HADHA: variants seen among roughly 807,000 people sequenced by gnomAD.
The protein encoded by HADHA is trifunctional enzyme subunit alpha, mitochondrial.
In HADHA, 59 loss-of-function variants were observed where a neutral mutation model predicts 91.3. That is an observed-to-expected ratio of 0.65 (90% CI 0.52 to 0.80). The LOEUF is 0.80. Among genes scored for constraint, HADHA ranks in the 30% least tolerant of loss-of-function variants. The probability of loss-of-function intolerance (pLI) is 0.00; values close to 1 mark genes in which losing one functional copy is unlikely to be tolerated. For synonymous variants in HADHA, 320 were observed against 338.9 expected (o/e 0.94, Z 0.61); for missense variants, 800 against 927.6 (o/e 0.86, Z 1.79).
Position 26,234,298 on chromosome 2 carries a change from C to T in HADHA, c.372G>A (p.Gln124=). 1 of 1,613,488 alleles carries T rather than the reference C, an allele frequency of 6.2e-7. No individual in the cohort carries two copies. The highest frequency in any genetic ancestry group is 8.5e-7 in the Non-Finnish European group (1 of 1,179,370). The change falls in exon 5 of 20, where the codon CAG becomes CAA. Residue 124 remains glutamine, a synonymous_variant. Coordinates refer to ENST00000380649, the MANE Select transcript of HADHA (RefSeq NM_000182.5). ...QEVTQLSQEA[Q]RIVEKLEKST... ...ACTTTTCAAGTTTCTCAACTATTCT[C>T]TGTGCTTCTTGTGATAGCTGTGTTA...
intron 7 of HADHA, among the ~76,000 whole-genome samples, chr2:26,219,314 G>A (rs1347174854): frequency 6.6e-6 from 1 of 151,946 alleles, no homozygotes; most frequent in Non-Finnish European, 1.5e-5. Flanking sequence ...TTTTAGTAGA[G>A]ATGGGGTTTC....
chr2:26,237,917 G>C (rs1313515181), intron 3 of HADHA, among the ~76,000 whole-genome samples: 2 of 151,968 alleles, frequency 1.3e-5, no homozygotes, highest in East Asian at 3.8e-4. Context: ...CTCTAGTAAA[G>C]GGGAATGGCT....
chr2:26,237,851 A>C (rs1291200346), intron 3 of HADHA, among the ~76,000 whole-genome samples: 1 of 152,234 alleles, frequency 6.6e-6, no homozygotes, highest in East Asian at 1.9e-4. Flanking sequence ...CAACCTAAGA[A>C]AATTCTGAAA....
chr2:26,191,747 C>G, intron 18 of HADHA, 119 bp from the exon 19 acceptor site: 1 of 1,015,974 alleles, frequency 9.8e-7, no homozygotes, highest in Non-Finnish European at 1.6e-6. Context: ...CCGGTTGGTG[C>G]TGGCCCTCAG....
chr2:26,212,127 G>T, intron 10 of HADHA: 1 of 172,118 alleles, frequency 5.8e-6, no homozygotes, highest in Non-Finnish European at 1.2e-5. Context: ...TTGTCACCCA[G>T]GCTGGAATGC....
At position 26,191,265 on chromosome 2, in the gene HADHA, C is replaced by T. The variant is rs1430214161; in HGVS notation, c.2277G>A (p.Lys759=). ...TGAGGCCTGCTCACTGGTAGAACTT[C>T]TTGTTAGGGCTGTTAGCATGGTCAG... The part of the protein sequence containing the change: ...LLADHANSPN[K]KFYQ The change falls in exon 20 of 20, where the codon AAG becomes AAA. Residue 759 remains lysine, a synonymous_variant. Transcript: ENST00000380649. 1.2e-6 allele frequency: 2 copies of T among 1,612,568 alleles called. No individual in the cohort carries two copies. The highest frequency in any genetic ancestry group is 1.7e-6 in the Non-Finnish European group (2 of 1,180,012).
intron 7 of HADHA, among the ~76,000 whole-genome samples, chr2:26,225,116 G>A (rs1385524183): frequency 6.6e-6 from 1 of 152,024 alleles, no homozygotes; most frequent in Non-Finnish European, 1.5e-5. Context: ...AAGAAAACTA[G>A]GAGCCCAGGA....
rs1670312964 is a variant in HADHA, at chr2:26,219,269, C to T, written c.677-4094G>A. Reference sequence around the variant, plus strand: ...TCAGCCTCCCAAGTAGCTGGGATTACAGATGTGCCACCAGGCCAGGCTAAT... The same window carrying T: ...TCAGCCTCCCAAGTAGCTGGGATTATAGATGTGCCACCAGGCCAGGCTAAT... On this transcript the variant is annotated intron_variant, in intron 7 of 19. Coordinates refer to ENST00000380649, the MANE Select transcript of HADHA (RefSeq NM_000182.5). Among the ~76,000 whole-genome samples the T allele has an allele frequency of 2.0e-5, 3 of 151,826 alleles. No homozygotes were observed. In the South Asian group the frequency reaches 6.3e-4, roughly 32 times the overall value.
intron 9 of HADHA, among the ~76,000 whole-genome samples, chr2:26,213,003 T>C (rs2147768756): frequency 6.6e-6 from 1 of 152,288 alleles, no homozygotes; most frequent in East Asian, 1.9e-4. Context: ...CAAAATTCAA[T>C]GTAACATTTG....
intron 6 of HADHA, among the ~76,000 whole-genome samples, chr2:26,230,609 T>C (rs528853391): frequency 1.3e-5 from 2 of 152,232 alleles, no homozygotes; most frequent in Non-Finnish European, 2.9e-5. Context: ...GGGGTTTTTT[T>C]CTATCATATA....
At chr2:26,231,329 CCA>C (rs1670617012) in intron 6 of HADHA, among the ~76,000 whole-genome samples, 1 of 152,112 alleles carries the variant, frequency 6.6e-6, no homozygotes, top group Non-Finnish European at 1.5e-5. Flanking sequence ...ATCTACAGTG[CCA>C]GAAGCTATAA....
intron 11 of HADHA, among the ~76,000 whole-genome samples, chr2:26,205,552 G>A (rs1669950436): frequency 6.6e-6 from 1 of 152,212 alleles, no homozygotes; most frequent in Non-Finnish European, 1.5e-5. Flanking sequence ...GGGCACAGTG[G>A]CTTACGCCTG....
intron 11 of HADHA, among the ~76,000 whole-genome samples, chr2:26,205,355 A>C (rs1669945741): frequency 6.6e-6 from 1 of 152,232 alleles, no homozygotes. Flanking sequence ...AGTCCTGAAA[A>C]GGAAATCTAA....
intron 7 of HADHA, among the ~76,000 whole-genome samples, chr2:26,216,698 G>C (rs1407812798): frequency 6.6e-6 from 1 of 152,118 alleles, no homozygotes; most frequent in East Asian, 1.9e-4. Context: ...CAAAAGTTCA[G>C]TGTCCAGAAA....
intron 7 of HADHA, among the ~76,000 whole-genome samples, chr2:26,225,625 G>A (rs975779586): frequency 1.3e-5 from 2 of 152,002 alleles, no homozygotes; most frequent in Non-Finnish European, 2.9e-5. Context: ...ATTATTAATA[G>A]ACTAAAAAAG....
rs149846556 is a variant in HADHA, at chr2:26,192,919, C to T, written c.1886-495G>A. On this transcript the variant is annotated intron_variant, in intron 17 of 19. Coordinates refer to ENST00000380649, the MANE Select transcript of HADHA (RefSeq NM_000182.5). ...AAGATCTTGTGACCCGGAGCTTGGG[C>T]ATCTGTGTACATGGATGAGAAAGGC... Among the ~76,000 whole-genome samples, 420 of 152,228 alleles carry T rather than the reference C, an allele frequency of 2.8e-3. 2 individuals are homozygous for T. Among genetic ancestry groups the T allele is most frequent in the African/African-American group, 9.8e-3 (405 of 41,518 alleles).
At chr2:26,202,932 G>A (rs1669882986) in intron 12 of HADHA, among the ~76,000 whole-genome samples, 1 of 152,236 alleles carries the variant, frequency 6.6e-6, no homozygotes, top group Non-Finnish European at 1.5e-5. Flanking sequence ...GCAGTGTGGT[G>A]AGCGGCACTC....
intron 17 of HADHA, among the ~76,000 whole-genome samples, chr2:26,193,313 G>C (rs947479198): frequency 3.5e-5 from 1 of 28,178 alleles, no homozygotes; most frequent in African/African-American, 1.6e-4. Flanking sequence ...TTTTTTTTTT[G>C]AGAAGGGGCC....
intron 11 of HADHA, among the ~76,000 whole-genome samples, chr2:26,207,124 G>A (rs1265445635): frequency 6.6e-6 from 1 of 152,048 alleles, no homozygotes; most frequent in Non-Finnish European, 1.5e-5. Flanking sequence ...CTTGAGCCCA[G>A]GAGTTTAAGG....
Sources: gnomAD v4.1 joint callset for allele counts (sites outside exome capture counted in the v4.1 genomes callset) on GRCh38, gnomAD v4.1.1 for gene constraint, MANE v1.5 for transcripts, NCBI Gene and HGNC (gene_info 2026-07-23, HGNC 2026-07-21) for gene names.